SRPRB: variants seen among roughly 807,000 people sequenced by gnomAD.
SRPRB encodes signal recognition particle receptor subunit beta.
Under a neutral mutation model 31.9 loss-of-function variants are expected in SRPRB, and 20 were observed. The ratio of observed to expected loss-of-function variants is 0.63; its 90% CI spans 0.44 to 0.91. The LOEUF (loss-of-function observed/expected upper bound fraction) is 0.91. Among genes scored for constraint, SRPRB ranks in the 40% least tolerant of loss-of-function variants. SRPRB has a pLI of 0.00. For missense variants in SRPRB, 321 were observed against 324.9 expected (o/e 0.99, Z 0.09); for synonymous variants, 146 against 132.8 (o/e 1.10, Z -0.68).
intron 1 of SRPRB, chr3:133,795,570 A>ATTTC (rs1934945290): frequency 2.0e-5 from 2 of 98,328 alleles, no homozygotes; most frequent in African/African-American, 8.5e-5. Flanking sequence ...AAAAAGTGGA[A>ATTTC]TTTTTTTTTT....
intron 5 of SRPRB, 38 bp from the exon 6 acceptor site, chr3:133,816,840 C>T: frequency 6.5e-7 from 1 of 1,548,686 alleles, no homozygotes; most frequent in Non-Finnish European, 8.8e-7. Flanking sequence ...AAAACTCATT[C>T]TCGTTTAAAC....
chr3:133,806,532 A>G, intron 1 of SRPRB, 77 bp from the exon 2 acceptor site: 2 of 1,118,192 alleles, frequency 1.8e-6, no homozygotes, highest in Admixed American at 1.8e-5. Context: ...ACTTCTGTGA[A>G]TTTCCCCACC....
intron 4 of SRPRB, among the ~76,000 whole-genome samples, chr3:133,812,175 G>T (rs185789885): frequency 9.2e-5 from 14 of 152,286 alleles, no homozygotes; most frequent in Admixed American, 2.6e-4. Context: ...TCTCTTAGCG[G>T]TCCCTAAAAT....
At chr3:133,786,499 C>T (rs1048565549) in intron 1 of SRPRB, 3 of 152,160 alleles carry the variant, frequency 2.0e-5, no homozygotes, top group African/African-American at 7.2e-5. Flanking sequence ...TAACCATTGT[C>T]TCATGCCTGG....
Position 133,806,037 on chromosome 3 carries a change from G to A in SRPRB, c.154+35G>A, listed in dbSNP as rs761894350. On this transcript the variant is annotated intron_variant, in intron 1 of 6. Transcript: ENST00000678299. ...GGCCGGTGGTCATGGCGGGTTTGGG[G>A]CGGGCAGAGGTCCGGGCTTTGGCTG... The A allele has an allele frequency of 2.7e-5, 44 of 1,603,144 alleles. No individual in the cohort carries two copies. The African/African-American group carries it at 5.4e-4, about 20-fold the overall frequency.
intron 3 of SRPRB, among the ~76,000 whole-genome samples, chr3:133,808,889 C>CAAA (rs200185544): frequency 1.1e-5 from 1 of 88,286 alleles, no homozygotes; most frequent in Admixed American, 1.1e-4. Flanking sequence ...GACTAAGTCT[C>CAAA]AAAAAAAAAA....
downstream of SRPRB, chr3:133,826,908 G>A (rs1935573677): frequency 6.6e-6 from 1 of 152,666 alleles, no homozygotes; most frequent in Non-Finnish European, 1.5e-5. Context: ...ATGTGTTTGT[G>A]GAAGGTGTAT....
At chr3:133,797,104 G>C (rs376538555) in intron 1 of SRPRB, among the ~76,000 whole-genome samples, 22 of 152,270 alleles carry the variant, frequency 1.4e-4, no homozygotes, top group African/African-American at 5.1e-4. Flanking sequence ...GATACATACT[G>C]TATGATCCCA....
intron 2 of SRPRB, among the ~76,000 whole-genome samples, chr3:133,807,052 T>C (rs1935176284): frequency 6.6e-6 from 1 of 152,188 alleles, no homozygotes; most frequent in South Asian, 2.1e-4. Context: ...GGACAGTTTA[T>C]CGAAGACACT....
At chr3:133,789,828 T>C (rs1021326942) in intron 1 of SRPRB, 3 of 149,838 alleles carry the variant, frequency 2.0e-5, no homozygotes, top group Non-Finnish European at 4.4e-5. Context: ...GGGTTTGGCA[T>C]AGAAGGTTAT....
intron 4 of SRPRB, 36 bp from the exon 5 acceptor site, chr3:133,815,554 G>A (rs760320495): frequency 9.3e-6 from 15 of 1,611,152 alleles, no homozygotes; most frequent in African/African-American, 8.0e-5. Context: ...CCTGTTACAC[G>A]TTCACATGCC....
chr3:133,796,724 T>C (rs1052802144), intron 1 of SRPRB: 4 of 152,240 alleles, frequency 2.6e-5, no homozygotes, highest in Non-Finnish European at 5.9e-5. Flanking sequence ...GTAGTAACAC[T>C]ACTGGACATA....
At chr3:133,817,014 G>A (rs1449222822) in intron 6 of SRPRB, 82 bp downstream of exon 6, 26 of 1,099,524 alleles carry the variant, frequency 2.4e-5, no homozygotes, top group African/African-American at 3.2e-5. Context: ...TCTTTTGTTT[G>A]GTTTTATGTG....
downstream of SRPRB, chr3:133,827,942 A>G (rs1935595982): frequency 5.7e-6 from 4 of 702,856 alleles, no homozygotes; most frequent in Admixed American, 2.0e-5. Flanking sequence ...ATGGCACCCC[A>G]GTCTATAAAC....
At chr3:133,818,048 G>A (rs897074282) in intron 6 of SRPRB, among the ~76,000 whole-genome samples, 4 of 152,138 alleles carry the variant, frequency 2.6e-5, no homozygotes, top group Non-Finnish European at 2.9e-5. Context: ...TTCCTTTCCC[G>A]TCTGGAGCTG....
At chr3:133,827,746 ACCCCCC>A (rs55951806), downstream of SRPRB, 53 of 73,596 alleles carry the variant, frequency 7.2e-4, no homozygotes, top group East Asian at 2.2e-3. Flanking sequence ...TGCAGACAAC[ACCCCCC>A]CCCCCCCCCG....
chr3:133,816,814 A>G (rs542828524), intron 5 of SRPRB, 64 bp from the exon 6 acceptor site: 1 of 1,337,414 alleles, frequency 7.5e-7, no homozygotes, highest in East Asian at 2.4e-5. Flanking sequence ...CCTTCTGTGT[A>G]AGAAGTCTTG....
chr3:133,821,021 T>C lies in SRPRB; in HGVS notation c.*1255T>C, dbSNP rs532394775. 2.0e-5 allele frequency: 3 copies of C among 152,664 alleles called. No individual in the cohort carries two copies. The highest frequency in any genetic ancestry group is 1.3e-4 in the Admixed American group (2 of 15,296). The allele number at this position is 152,664 out of a possible 1,614,324, so 9.5% of individuals were successfully genotyped here. A position where few individuals can be genotyped will look rare whatever the true frequency, so the allele number is the denominator to read the frequency against. On this transcript the variant is annotated 3_prime_UTR_variant, in exon 7 of 7. Transcript: ENST00000678299. ...GAGAGGCCCACAGTTCTCTGGAGCATGCAGCAGGGGCACCCCACCTGGCCT... is the reference window on the plus strand; with the variant it reads ...GAGAGGCCCACAGTTCTCTGGAGCACGCAGCAGGGGCACCCCACCTGGCCT...
rs760583129 is a variant in SRPRB, at chr3:133,816,979, A to ATC, written c.602+47_602+48insTC. 60 of 1,480,440 alleles carry ATC rather than the reference A, an allele frequency of 4.1e-5. No homozygotes were observed. The South Asian group carries it at 7.4e-4, about 18-fold the overall frequency. The allele number at this position is 1,480,440 out of a possible 1,614,324, so 91.7% of individuals were successfully genotyped here. On this transcript the variant is annotated intron_variant, in intron 6 of 6. Coordinates refer to ENST00000678299, the MANE Select transcript of SRPRB (RefSeq NM_001379313.1). The stretch of plus-strand genomic sequence containing the variant: ...TGGTTAATTATATATCTTAACACTT[A>ATC]GACTGTAAGCAGCATATTCATGTTT...
Sources: allele counts gnomAD v4.1 joint callset (sites outside exome capture counted in the v4.1 genomes callset), GRCh38; gene constraint gnomAD v4.1.1; transcripts MANE v1.5; gene names NCBI Gene and HGNC (gene_info 2026-07-23, HGNC 2026-07-21).